Variants in PTGER3 observed in about 807,000 individuals in gnomAD.
PTGER3 encodes prostaglandin E receptor 3, also known as prostaglandin E2 receptor EP3 subtype.
PTGER3 carries 22 observed loss-of-function variants against 34.7 expected under a neutral mutation model. That is an observed-to-expected ratio of 0.63 (90% CI 0.45 to 0.91). The LOEUF (loss-of-function observed/expected upper bound fraction) is 0.91. Ranked by LOEUF, PTGER3 falls within the 40% of genes least tolerant of loss-of-function variation. PTGER3 has a pLI of 0.00. For synonymous variants in PTGER3, 241 were observed against 230.1 expected (o/e 1.05, Z -0.43); for missense variants, 468 against 519.4 (o/e 0.90, Z 0.96).
At chr1:70,967,501 G>C (rs949171158), downstream of PTGER3, among the ~76,000 whole-genome samples, 4 of 151,974 alleles carry the variant, frequency 2.6e-5, no homozygotes, top group East Asian at 7.7e-4. Context: ...AAATAAAGCT[G>C]TCGAAAATCT....
intron 2 of PTGER3, chr1:71,010,540 A>C (rs1657349515): frequency 3.0e-6 from 3 of 984,426 alleles, no homozygotes; most frequent in Non-Finnish European, 3.6e-6. Context: ...TGTCTATCTG[A>C]CTAGAACTTA....
chr1:70,859,462 G>A (rs1645880662), intron 4 of PTGER3, among the ~76,000 whole-genome samples: 1 of 151,924 alleles, frequency 6.6e-6, no homozygotes, highest in African/African-American at 2.4e-5. Flanking sequence ...TTAGCTCTGT[G>A]TTTATCAACT....
At chr1:71,026,915 C>T (rs1658975500) in intron 1 of PTGER3, among the ~76,000 whole-genome samples, 1 of 152,014 alleles carries the variant, frequency 6.6e-6, no homozygotes, top group Admixed American at 6.6e-5. Flanking sequence ...AAACCTGTTC[C>T]TACCATGACT....
chr1:70,888,962 G>A (rs1198204779), intron 4 of PTGER3, among the ~76,000 whole-genome samples: 1 of 151,132 alleles, frequency 6.6e-6, no homozygotes, highest in East Asian at 2.0e-4. Flanking sequence ...CAGCAGGAGT[G>A]TAGTAGGTTT....
At chr1:70,977,158 G>A (rs1476127682) in intron 2 of PTGER3, among the ~76,000 whole-genome samples, 2 of 152,014 alleles carry the variant, frequency 1.3e-5, no homozygotes, top group South Asian at 2.1e-4. Context: ...TTTAACTCTT[G>A]GGCCAAATTA....
chr1:70,974,473 C>T, intron 2 of PTGER3, 85 bp from the exon 3 acceptor site: 1 of 719,510 alleles, frequency 1.4e-6, no homozygotes, highest in Non-Finnish European at 2.6e-6. Flanking sequence ...ATCAAAGTCA[C>T]ATTGGCTATG....
At chr1:70,994,801 C>T (rs535956310) in intron 2 of PTGER3, among the ~76,000 whole-genome samples, 74 of 152,128 alleles carry the variant, frequency 4.9e-4, no homozygotes, top group African/African-American at 1.8e-3. Flanking sequence ...GACATCATTG[C>T]CTTTTTTTTA....
chr1:71,010,665 C>A, intron 2 of PTGER3: 1 of 984,208 alleles, frequency 1.0e-6, no homozygotes. Context: ...CAGGATAATC[C>A]AATTCTATGG....
chr1:70,879,850 C>T (rs1486068993), intron 4 of PTGER3, among the ~76,000 whole-genome samples: 1 of 152,108 alleles, frequency 6.6e-6, no homozygotes, highest in Non-Finnish European at 1.5e-5. Context: ...AATCCCAGCA[C>T]TTTGGGAGGC....
chr1:71,010,401 G>A (rs1218623739), intron 2 of PTGER3: 6 of 984,234 alleles, frequency 6.1e-6, no homozygotes, highest in African/African-American at 1.8e-5. Flanking sequence ...GTACTGTCCT[G>A]GCAAACTTCT....
chr1:70,908,195 A>T (rs566738684), intron 4 of PTGER3, among the ~76,000 whole-genome samples: 1 of 152,304 alleles, frequency 6.6e-6, no homozygotes, highest in Non-Finnish European at 1.5e-5. Context: ...GGAGACAATT[A>T]TTTTATAACA....
chr1:71,012,058 C>T, intron 2 of PTGER3: 1 of 1,441,174 alleles, frequency 6.9e-7, no homozygotes, highest in Non-Finnish European at 9.1e-7. Context: ...ACTTTTGGCA[C>T]ATAGGGATTT....
intron 4 of PTGER3, among the ~76,000 whole-genome samples, chr1:70,867,518 C>T (rs553871546): frequency 2.0e-5 from 3 of 152,036 alleles, no homozygotes; most frequent in African/African-American, 7.2e-5. Context: ...GTCAGGAATT[C>T]GAGACCAGCC....
In PTGER3 at chr1:71,006,117, T is replaced by C. The variant is rs1419817160; in HGVS notation, c.1077+6188A>G. 4.2e-6 allele frequency: 4 copies of C among 943,768 alleles called. No individual in the cohort carries two copies. In the African/African-American group the frequency reaches 7.1e-5, roughly 17 times the overall value. The allele number at this position is 943,768 out of a possible 1,614,324, so 58.5% of individuals were successfully genotyped here. A position where few individuals can be genotyped will look rare whatever the true frequency, so the allele number is the denominator to read the frequency against. On this transcript the variant is annotated intron_variant, in intron 2 of 3. Transcript: ENST00000306666. ...AACACTGGAACTTATTTCTGTTATCTCTCTTATCTAGCTATGATTTTTGTA... is the reference window on the plus strand; with the variant it reads ...AACACTGGAACTTATTTCTGTTATCCCTCTTATCTAGCTATGATTTTTGTA...
intron 4 of PTGER3, among the ~76,000 whole-genome samples, chr1:70,914,585 G>A (rs1314176442): frequency 6.6e-6 from 1 of 151,858 alleles, no homozygotes; most frequent in Non-Finnish European, 1.5e-5. Flanking sequence ...CCAAGGCTGG[G>A]ATTCTACAAA....
rs138633525 is a variant in PTGER3, at chr1:70,988,262, A to T, written c.1078-13874T>A. On this transcript the variant is annotated intron_variant, in intron 2 of 3. Coordinates refer to ENST00000306666, the MANE Select transcript of PTGER3 (RefSeq NM_198719.2). ...CTTTCCCATAAAATAACCCATAGGA[A>T]GTTTTAAAAGTCATGCAATATGGGT... Among the ~76,000 whole-genome samples, 1,037 of 152,296 alleles carry T rather than the reference A, an allele frequency of 6.8e-3. 10 individuals carry two copies. The highest frequency in any genetic ancestry group is 0.017 in the Middle Eastern group (5 of 294).
At chr1:71,045,849 A>T (rs1660729738) in intron 1 of PTGER3, among the ~76,000 whole-genome samples, 1 of 151,932 alleles carries the variant, frequency 6.6e-6, no homozygotes, top group Non-Finnish European at 1.5e-5. Context: ...TGAGGAGGCA[A>T]CTCGTATCTT....
chr1:71,038,970 G>C (rs1660055144), intron 1 of PTGER3, among the ~76,000 whole-genome samples: 1 of 152,196 alleles, frequency 6.6e-6, no homozygotes, highest in African/African-American at 2.4e-5. Context: ...TTCAACTCAA[G>C]ATTCCATTGA....
At chr1:71,032,452 T>C (rs1659492050) in intron 1 of PTGER3, among the ~76,000 whole-genome samples, 1 of 152,242 alleles carries the variant, frequency 6.6e-6, no homozygotes, top group Non-Finnish European at 1.5e-5. Context: ...AAATATTGTA[T>C]TATTATAAAA....
Sources: allele counts gnomAD v4.1 joint callset (sites outside exome capture counted in the v4.1 genomes callset), GRCh38; gene constraint gnomAD v4.1.1; transcripts MANE v1.5; gene names NCBI Gene and HGNC (gene_info 2026-07-23, HGNC 2026-07-21).